Variants in RBFOX2 observed in about 807,000 individuals in gnomAD.
RBFOX2 encodes RNA binding protein fox-1 homolog 2.
In RBFOX2, 10 loss-of-function variants were observed where a neutral mutation model predicts 49.1. The observed-to-expected ratio is 0.20, with a 90% CI of 0.13 to 0.35. The LOEUF (loss-of-function observed/expected upper bound fraction) is 0.35. RBFOX2 is among the 10% of genes least tolerant of loss of function. RBFOX2 has a pLI of 1.00. For synonymous variants in RBFOX2, 183 were observed against 187.4 expected (o/e 0.98, Z 0.19); for missense variants, 323 against 486.9 (o/e 0.66, Z 3.17).
At chr22:35,963,285 T>C (rs2056359810), upstream of RBFOX2, among the ~76,000 whole-genome samples, 1 of 152,030 alleles carries the variant, frequency 6.6e-6, no homozygotes, top group Admixed American at 6.6e-5. Flanking sequence ...CACATTGCAG[T>C]GCGGGGTGGG....
chr22:35,785,594 G>T (rs1413019760), intron 2 of RBFOX2, among the ~76,000 whole-genome samples: 2 of 152,158 alleles, frequency 1.3e-5, no homozygotes, highest in East Asian at 3.8e-4. Context: ...AATGAAGTTT[G>T]AAACTTTAAA....
intron 1 of RBFOX2, 130 bp downstream of exon 1, chr22:36,028,110 C>T: frequency 1.5e-6 from 2 of 1,295,236 alleles, no homozygotes; most frequent in Non-Finnish European, 2.0e-6. Flanking sequence ...CAACCAGGCC[C>T]CGAATGGCCC....
chr22:35,825,049 G>A (rs1159142384), intron 1 of RBFOX2, among the ~76,000 whole-genome samples: 5 of 152,096 alleles, frequency 3.3e-5, no homozygotes, highest in African/African-American at 7.2e-5. Flanking sequence ...GCAAAACCCC[G>A]TCTCTACTAA....
intron 2 of RBFOX2, among the ~76,000 whole-genome samples, chr22:35,795,566 T>A (rs1283255404): frequency 2.8e-5 from 4 of 145,274 alleles, no homozygotes; most frequent in Non-Finnish European, 5.9e-5. Flanking sequence ...GCAATACCAA[T>A]TGATAATAGA....
At chr22:36,001,692 T>G (rs1351056553) in intron 1 of RBFOX2, among the ~76,000 whole-genome samples, 1 of 152,106 alleles carries the variant, frequency 6.6e-6, no homozygotes, top group East Asian at 1.9e-4. Flanking sequence ...AGTCCAGGAA[T>G]TCAAGGTTAC....
intron 1 of RBFOX2, chr22:35,840,089 A>C: frequency 6.8e-7 from 1 of 1,466,920 alleles, no homozygotes; most frequent in Admixed American, 1.7e-5. Context: ...TGTTCTAAGA[A>C]GACAATAATG....
At chr22:35,803,096 A>G (rs1950066246) in intron 2 of RBFOX2, among the ~76,000 whole-genome samples, 1 of 152,056 alleles carries the variant, frequency 6.6e-6, no homozygotes, top group Non-Finnish European at 1.5e-5. Context: ...TAGTGGCCGT[A>G]TACTGTGTGG....
At chr22:36,008,066 G>A (rs558321776) in intron 1 of RBFOX2, among the ~76,000 whole-genome samples, 1 of 152,190 alleles carries the variant, frequency 6.6e-6, no homozygotes, top group Admixed American at 6.5e-5. Context: ...CAAAGAATAC[G>A]TGCATTTTAC....
intron 1 of RBFOX2, among the ~76,000 whole-genome samples, chr22:35,850,000 C>T (rs1371890088): frequency 5.9e-5 from 9 of 152,070 alleles, no homozygotes; most frequent in Non-Finnish European, 1.5e-5. Flanking sequence ...CACACTGGCA[C>T]ACAAACACGG....
chr22:35,923,775 G>A (rs1031746097), intron 1 of RBFOX2, among the ~76,000 whole-genome samples: 5 of 151,452 alleles, frequency 3.3e-5, no homozygotes, highest in Non-Finnish European at 7.4e-5. Context: ...GAATGGGTAT[G>A]AAAGCAATAC....
intron 2 of RBFOX2, among the ~76,000 whole-genome samples, chr22:35,783,642 C>T (rs1003215749): frequency 2.0e-5 from 3 of 151,988 alleles, no homozygotes; most frequent in Non-Finnish European, 2.9e-5. Context: ...AGAGAACATC[C>T]GGAATCAGAA....
At chr22:35,802,397 A>C (rs1949948996) in intron 2 of RBFOX2, among the ~76,000 whole-genome samples, 1 of 152,226 alleles carries the variant, frequency 6.6e-6, no homozygotes, top group African/African-American at 2.4e-5. Flanking sequence ...AGTTGGACAA[A>C]GTTGTCAAAA....
In RBFOX2 at chr22:35,883,234, T is replaced by C. The variant is rs965145427; in HGVS notation, c.-34+55613A>G. 1.8e-4 allele frequency among the ~76,000 whole-genome samples: 28 copies of C among 152,186 alleles called. 1 individual carries two copies. The highest frequency in any genetic ancestry group is 6.0e-4 in the African/African-American group (25 of 41,448). ...ATGCTAGGGGTGTCCGACAGCCTCTTTTCATTTTGTACTGTTTCTTTTCCT... is the reference window on the plus strand; with the variant it reads ...ATGCTAGGGGTGTCCGACAGCCTCTCTTCATTTTGTACTGTTTCTTTTCCT... On this transcript the variant is annotated intron_variant, in intron 1 of 13. Transcript: ENST00000359369.
intron 2 of RBFOX2, among the ~76,000 whole-genome samples, chr22:35,792,330 AAAAAGAAAAG>A (rs1193695072): frequency 0.059 from 7,981 of 135,666 alleles, 291 homozygotes; most frequent in South Asian, 0.12. Flanking sequence ...AAAAAAAAAA[AAAAAGAAAAG>A]AAAAGAAAAG....
At position 35,977,824 on chromosome 22, in the gene RBFOX2, A is replaced by G. The variant is rs1252225420; in HGVS notation, c.187-38927T>C. The stretch of plus-strand genomic sequence containing the variant: ...TAAAATCCCCCTCAAAAAAAAAAAA[A>G]GCCCTGTCCCCCTTCCGTCACAGAG... On this transcript the variant is annotated intron_variant, in intron 1 of 13. Transcript: ENST00000438146. 2.0e-5 allele frequency among the ~76,000 whole-genome samples: 3 copies of G among 147,012 alleles called. No homozygotes were observed. The East Asian group carries it at 5.9e-4, about 29-fold the overall frequency.
At chr22:35,976,862 G>A (rs894587264) in intron 1 of RBFOX2, among the ~76,000 whole-genome samples, 6 of 151,912 alleles carry the variant, frequency 3.9e-5, no homozygotes, top group Non-Finnish European at 1.5e-5. Flanking sequence ...TACTTGGGAG[G>A]CTGAGGCAGG....
chr22:35,887,579 A>C (rs1402813418), intron 1 of RBFOX2, among the ~76,000 whole-genome samples: 1 of 152,110 alleles, frequency 6.6e-6, no homozygotes. Flanking sequence ...ATTACCATAT[A>C]GTGTTGGACC....
chr22:35,980,237 G>C (rs549813383), intron 1 of RBFOX2, among the ~76,000 whole-genome samples: 6 of 152,032 alleles, frequency 3.9e-5, no homozygotes, highest in African/African-American at 1.5e-4. Context: ...TCCAAGGCTT[G>C]AACACCCATA....
chr22:35,954,319 CTT>C (rs1384681534), intron 1 of RBFOX2, among the ~76,000 whole-genome samples: 3 of 152,160 alleles, frequency 2.0e-5, no homozygotes, highest in Non-Finnish European at 4.4e-5. Context: ...ACATAAAGCT[CTT>C]AACACAGAAT....
Sources: allele counts gnomAD v4.1 joint callset (sites outside exome capture counted in the v4.1 genomes callset), GRCh38; gene constraint gnomAD v4.1.1; transcripts MANE v1.5; gene names NCBI Gene and HGNC (gene_info 2026-07-23, HGNC 2026-07-21).